Variants in IQANK1 observed in about 807,000 individuals in gnomAD.
IQANK1 encodes IQ motif and ankyrin repeat domain-containing protein 1.
In IQANK1, 30 loss-of-function variants were observed where a neutral mutation model predicts 22.6. The ratio of observed to expected loss-of-function variants is 1.33; its 90% CI spans 0.99 to 1.80. The LOEUF is 1.80. IQANK1 is among the 40% of genes most tolerant of loss of function. The pLI is 0.00. For missense variants in IQANK1, 275 were observed against 235.2 expected (o/e 1.17, Z -1.11); for synonymous variants, 122 against 99.6 (o/e 1.23, Z -1.34).
In IQANK1 at chr8:143,743,236, G is replaced by GT. The variant is rs537633568; in HGVS notation, c.175+3297dup. On this transcript the variant is annotated intron_variant, in intron 3 of 13. Coordinates refer to ENST00000527139, the MANE Select transcript of IQANK1 (RefSeq NM_001381874.1). ...TTGGGTTTTTGTTTTGTTCCGTTTT[G>GT]TTTTTTTTTGAGACAGGGTCAGCTG... 8.0e-3 allele frequency: 2,809 copies of GT among 350,370 alleles called. 12 individuals carry two copies. Among genetic ancestry groups the GT allele is most frequent in the Non-Finnish European group, 0.01 (1,851 of 177,222 alleles). 21.7% of individuals were successfully genotyped at this position (350,370 alleles called of 1,614,324 possible).
At chr8:143,753,724 C>T (rs577330090) in intron 3 of IQANK1, among the ~76,000 whole-genome samples, 4 of 151,984 alleles carry the variant, frequency 2.6e-5, no homozygotes, top group South Asian at 2.1e-4. Context: ...CAAAATGTTG[C>T]GATTATAGGT....
chr8:143,760,184 G>T (rs1258224972), intron 3 of IQANK1, among the ~76,000 whole-genome samples: 2 of 152,176 alleles, frequency 1.3e-5, no homozygotes, highest in African/African-American at 4.8e-5. Context: ...GGGAAGGCTG[G>T]GAGGGCAAGT....
chr8:143,751,625 AGTGTGTG>A (rs1486318273), intron 3 of IQANK1, among the ~76,000 whole-genome samples: 13 of 96,008 alleles, frequency 1.4e-4, no homozygotes, highest in African/African-American at 4.1e-4. Flanking sequence ...AAAAAAAAAA[AGTGTGTG>A]TGTGTGTGTG....
intron 7 of IQANK1, among the ~76,000 whole-genome samples, chr8:143,782,466 G>T (rs1819813418): frequency 6.6e-6 from 1 of 151,602 alleles, no homozygotes; most frequent in Non-Finnish European, 1.5e-5. Context: ...TTACTTTCTT[G>T]CTTTTCTTTT....
At chr8:143,768,517 C>CGG (rs1170381326) in intron 3 of IQANK1, among the ~76,000 whole-genome samples, 4 of 152,182 alleles carry the variant, frequency 2.6e-5, no homozygotes, top group Non-Finnish European at 5.9e-5. Flanking sequence ...GGCGGACATA[C>CGG]GTCGGTGGCT....
intron 3 of IQANK1, chr8:143,742,908 C>G: frequency 4.4e-6 from 2 of 456,116 alleles, no homozygotes; most frequent in South Asian, 3.1e-5. Context: ...TGGACGGAGG[C>G]ACAGGTGCCA....
chr8:143,748,850 T>TATATATATCATATATAAATATATAA (rs1563770479), intron 3 of IQANK1, among the ~76,000 whole-genome samples: 11 of 112,602 alleles, frequency 9.8e-5, no homozygotes, highest in Non-Finnish European at 1.4e-4. Flanking sequence ...AATATATAAA[T>TATATATATCATATATAAATATATAA]ATATATATCA....
chr8:143,766,205 G>A (rs1316457369), intron 3 of IQANK1, among the ~76,000 whole-genome samples: 2 of 152,160 alleles, frequency 1.3e-5, no homozygotes, highest in Non-Finnish European at 2.9e-5. Context: ...GCTCTTGTGT[G>A]CATTCAGGTA....
chr8:143,749,368 AATAT>A (rs1156873035), intron 3 of IQANK1, among the ~76,000 whole-genome samples: 4 of 130,826 alleles, frequency 3.1e-5, no homozygotes, highest in African/African-American at 6.0e-5. Context: ...AAAATATATA[AATAT>A]ATATAAATAT....
chr8:143,763,758 C>T (rs570934043), intron 3 of IQANK1, among the ~76,000 whole-genome samples: 4 of 152,310 alleles, frequency 2.6e-5, no homozygotes, highest in African/African-American at 9.6e-5. Flanking sequence ...CCAAGTAAAC[C>T]TCTTCTCTTT....
rs183191000 is a variant in IQANK1, at chr8:143,758,176, C to G, written c.176-13312C>G. 2 of 152,290 alleles carry G rather than the reference C, an allele frequency of 1.3e-5. No individual in the cohort carries two copies. The highest frequency in any genetic ancestry group is 3.9e-4 in the East Asian group (2 of 5,188). The allele number at this position is 152,290 out of a possible 1,614,324, so 9.4% of individuals were successfully genotyped here. On this transcript the variant is annotated intron_variant, in intron 3 of 13. Coordinates refer to ENST00000527139, the MANE Select transcript of IQANK1 (RefSeq NM_001381874.1). This position sits in a 1 kb window ranked among gnomAD's most constrained non-coding sequence, Gnocchi z 4.2. Reference sequence around the variant, plus strand: ...TTATTATTTTTCACGTTCTAAAAGACAAAACAGGCTCAGCGCAGTGGCTCA... The same window carrying G: ...TTATTATTTTTCACGTTCTAAAAGAGAAAACAGGCTCAGCGCAGTGGCTCA...
intron 3 of IQANK1, among the ~76,000 whole-genome samples, chr8:143,754,724 C>T (rs1295730171): frequency 1.3e-5 from 2 of 152,054 alleles, no homozygotes; most frequent in Admixed American, 1.3e-4. Flanking sequence ...CTTCTGGGTT[C>T]ACGACATTCT....
intron 2 of IQANK1, chr8:143,739,507 G>C (rs1422714360): frequency 2.1e-5 from 5 of 242,546 alleles, no homozygotes. Context: ...GCACAAGGTG[G>C]GGGACAGTGT....
At chr8:143,742,660 G>A (rs1398169284) in intron 3 of IQANK1, 25 of 455,902 alleles carry the variant, frequency 5.5e-5, no homozygotes, top group Admixed American at 5.4e-4. Context: ...CCAGGAAGGT[G>A]TGGCTGAGCC....
At chr8:143,752,321 G>C (rs2129842495) in intron 3 of IQANK1, among the ~76,000 whole-genome samples, 1 of 152,254 alleles carries the variant, frequency 6.6e-6, no homozygotes, top group Middle Eastern at 3.4e-3. Flanking sequence ...CCAAGTTTCT[G>C]ATGAAAAATC....
chr8:143,788,529 G>A (rs1242352624), intron 7 of IQANK1, among the ~76,000 whole-genome samples: 2 of 152,190 alleles, frequency 1.3e-5, no homozygotes, highest in South Asian at 2.1e-4. Flanking sequence ...CACATCCTGC[G>A]GGCCAGCCTC....
intron 7 of IQANK1, among the ~76,000 whole-genome samples, chr8:143,775,822 AC>A (rs373821044): frequency 1.1e-4 from 16 of 140,278 alleles, no homozygotes; most frequent in African/African-American, 5.1e-4. Flanking sequence ...ACACACACAC[AC>A]CATTCCTAAA....
intron 3 of IQANK1, chr8:143,742,270 C>A: frequency 2.4e-6 from 1 of 420,234 alleles, no homozygotes; most frequent in South Asian, 1.7e-5. Flanking sequence ...AGTGACTCTT[C>A]CCACCCACAG....
chr8:143,786,834 A>C (rs1296204507), intron 7 of IQANK1, among the ~76,000 whole-genome samples: 5 of 152,124 alleles, frequency 3.3e-5, no homozygotes, highest in African/African-American at 9.7e-5. Context: ...ACGCCTGAGG[A>C]GCTTCCAGAC....
Sources: allele counts gnomAD v4.1 joint callset (sites outside exome capture counted in the v4.1 genomes callset), GRCh38; gene constraint gnomAD v4.1.1; non-coding constraint Gnocchi (gnomAD v3.1); transcripts MANE v1.5; gene names NCBI Gene and HGNC (gene_info 2026-07-23, HGNC 2026-07-21).